Variants in NPHP4 observed in about 807,000 individuals in gnomAD.
NPHP4 encodes nephrocystin 4.
A neutral mutation model predicts 155.8 loss-of-function variants in NPHP4; 151 were observed. That is an observed-to-expected ratio of 0.97 (90% confidence interval 0.85 to 1.11). NPHP4 has a LOEUF of 1.11. Ranked by LOEUF, NPHP4 falls within the 50% of genes least tolerant of loss-of-function variation. NPHP4 has a pLI of 0.00. For synonymous variants in NPHP4, 845 were observed against 816.8 expected (o/e 1.03, Z -0.59); for missense variants, 1,956 against 1,925.7 (o/e 1.02, Z -0.29).
At chr1:5,980,220 A>G (rs1341318140) in intron 2 of NPHP4, among the ~76,000 whole-genome samples, 1 of 152,088 alleles carries the variant, frequency 6.6e-6, no homozygotes. Context: ...GCGCTTCCCC[A>G]GGTGGCCTGT....
rs1024202517 is a variant in NPHP4, at chr1:5,961,654, C to A, written c.673+140G>T. On this transcript the variant is annotated intron_variant, in intron 6 of 29. Transcript: ENST00000378156. ...CATCCTCCTCCACTGTCCCCCACAA[C>A]CCCCGCCAGGCCGTGCTGCTGAGCT... 14 of 718,492 alleles carry A rather than the reference C, an allele frequency of 1.9e-5. No homozygotes were observed. In the East Asian group the frequency reaches 3.3e-4, roughly 17 times the overall value. 44.5% of individuals were successfully genotyped at this position (718,492 alleles called of 1,614,324 possible).
At chr1:5,930,865 G>A (rs974511421) in intron 10 of NPHP4, among the ~76,000 whole-genome samples, 1 of 152,196 alleles carries the variant, frequency 6.6e-6, no homozygotes, top group Non-Finnish European at 1.5e-5. Context: ...TAGAGAGGAT[G>A]CTGAAGTCTC....
chr1:5,897,800 A>G (rs138576868), intron 16 of NPHP4, among the ~76,000 whole-genome samples: 10 of 152,374 alleles, frequency 6.6e-5, no homozygotes, highest in African/African-American at 2.2e-4. Context: ...ATGTGATACT[A>G]GAATTGCACA....
Position 5,943,746 on chromosome 1 carries a change from C to A in NPHP4, c.1119+3358G>T, listed in dbSNP as rs149873613. On this transcript the variant is annotated intron_variant, in intron 9 of 29. Coordinates refer to ENST00000378156, the MANE Select transcript of NPHP4 (RefSeq NM_015102.5). The stretch of plus-strand genomic sequence containing the variant: ...TTAAGTAAAATACTTAAAAAATGTA[C>A]ACCCAGGCTGACTGGATGTTTGATG... Among the ~76,000 whole-genome samples the A allele has an allele frequency of 7.0e-3, 1,061 of 152,296 alleles. 6 individuals are homozygous for A. The highest frequency in any genetic ancestry group is 0.011 in the Non-Finnish European group (772 of 68,020).
In NPHP4 at chr1:5,931,401, TAA is replaced by T. The variant is rs35255274; in HGVS notation, c.1302+1744_1302+1745del. Among the ~76,000 whole-genome samples the T allele has an allele frequency of 4.7e-3, 622 of 132,254 alleles. 6 individuals carry two copies. Among genetic ancestry groups the T allele is most frequent in the African/African-American group, 0.015 (533 of 36,548 alleles). 86.8% of individuals were successfully genotyped at this position (132,254 alleles called of 152,430 possible). ...CAATAGGTGTGTAATAGCATATGTC[TAA>T]AAAAAAAAAAAAAAAAGTACTGTAC... On this transcript the variant is annotated intron_variant, in intron 10 of 29. Transcript: ENST00000378156.
intron 18 of NPHP4, among the ~76,000 whole-genome samples, chr1:5,885,690 A>T (rs943917560): frequency 2.6e-5 from 4 of 152,246 alleles, no homozygotes; most frequent in African/African-American, 9.6e-5. Flanking sequence ...ATCCAGGCCG[A>T]GGCCGAGGCT....
rs533329370 is a variant in NPHP4, at chr1:5,880,456, G to A, written c.2486-217C>T. The A allele has an allele frequency of 5.8e-5, 31 of 537,482 alleles. No individual in the cohort carries two copies. The East Asian group carries it at 6.5e-4, about 11-fold the overall frequency. The allele number at this position is 537,482 out of a possible 1,614,324, so 33.3% of individuals were successfully genotyped here. ...TCAGCTAGGTCTTCATTCTCCTGCC[G>A]TGTCAGTGGCAGCCTCCGTTTCCTG... On this transcript the variant is annotated intron_variant, in intron 18 of 29. Coordinates refer to ENST00000378156, the MANE Select transcript of NPHP4 (RefSeq NM_015102.5).
At chr1:5,955,460 A>C (rs530899879) in intron 6 of NPHP4, among the ~76,000 whole-genome samples, 2 of 152,396 alleles carry the variant, frequency 1.3e-5, no homozygotes, top group Admixed American at 1.3e-4. Context: ...CACTATTCAC[A>C]ACAGTGGAGA....
intron 26 of NPHP4, chr1:5,865,497 C>A (rs745672818): frequency 2.1e-6 from 1 of 465,334 alleles, no homozygotes; most frequent in South Asian, 5.1e-5. Flanking sequence ...CCCTGGCTGC[C>A]CATCTCCCAC....
Position 5,910,987 on chromosome 1 carries a change from G to A in NPHP4, c.1442-1774C>T, listed in dbSNP as rs951465890. On this transcript the variant is annotated intron_variant, in intron 11 of 29. Transcript: ENST00000378156. This position sits in a 1 kb window ranked among gnomAD's most constrained non-coding sequence, Gnocchi z 5.4. ...CTCCTGGGCAGCGCCCATTTGGCCC[G>A]CGCAGCTCCTCTGTAACCAGCCACA... Among the ~76,000 whole-genome samples, 4 of 152,232 alleles carry A rather than the reference G, an allele frequency of 2.6e-5. No individual in the cohort carries two copies. Among genetic ancestry groups the A allele is most frequent in the African/African-American group, 7.2e-5 (3 of 41,458 alleles).
rs1191733336 is a variant in NPHP4 at position 5,905,673 on chromosome 1, C to T, written c.1722G>A (p.Thr574=). ...IAEQLQELPF[T]PLHAPIVVGT... ...CCACAACAATAGGGGCATGCAAAGG[C>T]GTGAACGGCAGCTCCTGTAACTGTT... The change falls in exon 14 of 30, where the codon ACG becomes ACA. Residue 574 remains threonine (T), a synonymous_variant. Transcript: ENST00000378156. This position sits in a 1 kb window ranked among gnomAD's most constrained non-coding sequence, Gnocchi z 4.0. 4.3e-6 allele frequency: 7 copies of T among 1,613,926 alleles called. 1 individual carries two copies. The highest frequency in any genetic ancestry group is 2.2e-5 in the South Asian group (2 of 91,036).
chr1:5,947,332 G>A (rs1224905887), intron 8 of NPHP4, 102 bp from the exon 9 acceptor site: 34 of 1,240,346 alleles, frequency 2.7e-5, no homozygotes, highest in Non-Finnish European at 3.4e-5. Flanking sequence ...ACACCCTGGG[G>A]GACACAGGGG....
chr1:5,880,050 G>T (rs1643106307), intron 19 of NPHP4, 64 bp downstream of exon 19: 51 of 1,585,226 alleles, frequency 3.2e-5, no homozygotes, highest in Non-Finnish European at 3.9e-5. Flanking sequence ...CACACACGCA[G>T]TCTTCCACCT....
chr1:5,864,185 G>C (rs977785047), intron 28 of NPHP4, 152 bp from the exon 29 acceptor site: 1 of 1,142,492 alleles, frequency 8.8e-7, no homozygotes, highest in Non-Finnish European at 1.3e-6. Flanking sequence ...ATCCGGGAGA[G>C]ACACAGCACA....
At chr1:5,952,553 T>C (rs1329589607) in intron 7 of NPHP4, 147 bp downstream of exon 7, 1 of 147,146 alleles carries the variant, frequency 6.8e-6, no homozygotes, top group Admixed American at 6.9e-5. Context: ...ATGCGGGGTC[T>C]CCCCTGCCCC....
chr1:5,874,696 C>A, intron 21 of NPHP4, 39 bp from the exon 22 acceptor site: 1 of 1,597,858 alleles, frequency 6.3e-7, no homozygotes, highest in East Asian at 2.3e-5. Context: ...GCAGTTCTTC[C>A]CAGGAGGACC....
rs1234829219 is a variant in NPHP4 at position 5,889,586 on chromosome 1, G to A, written c.2304+1282C>T. The stretch of plus-strand genomic sequence containing the variant: ...CACTGCCACCCCACACATGCCCAGC[G>A]GGACCCGGCTCTGCCTCCCACACCG... On this transcript the variant is annotated intron_variant, in intron 17 of 29. Coordinates refer to ENST00000378156, the MANE Select transcript of NPHP4 (RefSeq NM_015102.5). The surrounding 1 kb of genome is among the most constrained non-coding windows in gnomAD (Gnocchi z 4.2). Among the ~76,000 whole-genome samples, 3 of 152,096 alleles carry A rather than the reference G, an allele frequency of 2.0e-5. No individual in the cohort carries two copies. Among genetic ancestry groups the A allele is most frequent in the South Asian group, 2.1e-4 (1 of 4,822 alleles).
intron 3 of NPHP4, among the ~76,000 whole-genome samples, chr1:5,977,215 C>T (rs923649563): frequency 2.0e-5 from 3 of 152,088 alleles, no homozygotes; most frequent in Non-Finnish European, 4.4e-5. Context: ...ACGTCAGCGT[C>T]CCTAAGAAGA....
chr1:5,887,253 C>A, intron 18 of NPHP4, 33 bp downstream of exon 18: 1 of 1,589,648 alleles, frequency 6.3e-7, no homozygotes, highest in Non-Finnish European at 8.6e-7. Context: ...TGGGCGGCCG[C>A]TGGAGAAATG....
Sources: gnomAD v4.1 joint callset for allele counts (sites outside exome capture counted in the v4.1 genomes callset) on GRCh38, gnomAD v4.1.1 for gene constraint, Gnocchi (gnomAD v3.1) non-coding constraint, MANE v1.5 for transcripts, NCBI Gene and HGNC (gene_info 2026-07-23, HGNC 2026-07-21) for gene names.